The following HIKESHI variants were observed in gnomAD, a reference collection of about 807,000 sequenced individuals.
HIKESHI encodes heat shock protein nuclear import factor hikeshi.
In HIKESHI, 13 loss-of-function variants were observed where a neutral mutation model predicts 25.7. The ratio of observed to expected loss-of-function variants is 0.51; its 90% CI spans 0.33 to 0.80. The LOEUF (loss-of-function observed/expected upper bound fraction) is 0.80. Among genes scored for constraint, HIKESHI ranks in the 30% least tolerant of loss-of-function variants. HIKESHI has a pLI of 0.02. For missense variants in HIKESHI, 174 were observed against 229.5 expected, an observed-to-expected ratio of 0.76 and a Z score of 1.56; for synonymous variants, 76 against 78.7, an observed-to-expected ratio of 0.97 and a Z score of 0.18.
At chr11:86,332,816 C>T (rs980743623) in intron 2 of HIKESHI, among the ~76,000 whole-genome samples, 3 of 152,180 alleles carry the variant, frequency 2.0e-5, no homozygotes, top group African/African-American at 7.2e-5. Flanking sequence ...ATTCTTAGCT[C>T]CCACGTCATA....
At chr11:86,343,934 T>C (rs1947800161) in intron 3 of HIKESHI, 1 of 152,188 alleles carries the variant, frequency 6.6e-6, no homozygotes, top group Admixed American at 6.5e-5. Context: ...TGTGAGTCCA[T>C]TTACTTCTAG....
chr11:86,339,146 C>T (rs1463571537), intron 3 of HIKESHI, among the ~76,000 whole-genome samples: 5 of 152,212 alleles, frequency 3.3e-5, no homozygotes, highest in African/African-American at 7.2e-5. Flanking sequence ...CCTGGGTTCA[C>T]GCCATTCTCC....
intron 2 of HIKESHI, among the ~76,000 whole-genome samples, chr11:86,308,238 A>ACATATAAAAAATATAT (rs1946724731): frequency 7.9e-6 from 1 of 126,496 alleles, no homozygotes; most frequent in African/African-American, 3.1e-5. Flanking sequence ...AATATATATT[A>ACATATAAAAAATATAT]TATATAAAAT....
intron 2 of HIKESHI, among the ~76,000 whole-genome samples, chr11:86,322,567 T>G (rs369868347): frequency 6.6e-6 from 1 of 152,152 alleles, no homozygotes; most frequent in Non-Finnish European, 1.5e-5. Flanking sequence ...AGTGTTTTTG[T>G]TTTTTCCCAT....
intron 2 of HIKESHI, among the ~76,000 whole-genome samples, chr11:86,336,648 T>C (rs1317239100): frequency 6.6e-6 from 1 of 152,230 alleles, no homozygotes; most frequent in East Asian, 1.9e-4. Flanking sequence ...TGTTTTGTTA[T>C]AGCAGCCTGA....
intron 2 of HIKESHI, among the ~76,000 whole-genome samples, chr11:86,329,189 TA>T (rs5793197): frequency 0.48 from 71,259 of 147,224 alleles, 17,131 homozygotes; most frequent in Admixed American, 0.51. Flanking sequence ...CGTGATGAGT[TA>T]AAAAAAAAAA....
chr11:86,332,795 A>G (rs1346382288), intron 2 of HIKESHI, among the ~76,000 whole-genome samples: 1 of 152,236 alleles, frequency 6.6e-6, no homozygotes, highest in Non-Finnish European at 1.5e-5. Flanking sequence ...CCCTTTAAAT[A>G]TTTGAAAACC....
chr11:86,321,936 T>G (rs889671367), intron 2 of HIKESHI, among the ~76,000 whole-genome samples: 1 of 152,206 alleles, frequency 6.6e-6, no homozygotes, highest in Admixed American at 6.6e-5. Flanking sequence ...TGTGGTAGTA[T>G]TCCCTTGTCG....
At chr11:86,341,979 T>C (rs1947743362) in intron 3 of HIKESHI, among the ~76,000 whole-genome samples, 1 of 152,228 alleles carries the variant, frequency 6.6e-6, no homozygotes, top group South Asian at 2.1e-4. Context: ...TAGTGTGCCA[T>C]TGTATAAATG....
intron 3 of HIKESHI, among the ~76,000 whole-genome samples, chr11:86,338,132 T>C (rs1947620313): frequency 6.6e-6 from 1 of 152,204 alleles, no homozygotes; most frequent in Admixed American, 6.6e-5. Context: ...ATTCATTCCA[T>C]TGAACTGAAA....
chr11:86,341,930 AT>A (rs1947742689), intron 3 of HIKESHI, among the ~76,000 whole-genome samples: 1 of 152,222 alleles, frequency 6.6e-6, no homozygotes, highest in South Asian at 2.1e-4. Context: ...AGATTTATCG[AT>A]GTTGATACAT....
At chr11:86,314,369 A>G (rs1379062386) in intron 2 of HIKESHI, among the ~76,000 whole-genome samples, 2 of 152,098 alleles carry the variant, frequency 1.3e-5, no homozygotes. Flanking sequence ...TAATCCTAGC[A>G]TTTTGGGAGG....
At chr11:86,314,904 G>A (rs291197) in intron 2 of HIKESHI, among the ~76,000 whole-genome samples, 93,032 of 152,016 alleles carry the variant, frequency 0.61, 28,674 homozygotes, top group East Asian at 0.79. Flanking sequence ...GAGAAATTGG[G>A]TGTGGAATCT....
Position 86,324,936 on chromosome 11 carries a change from C to T in HIKESHI, c.269-12443C>T, listed in dbSNP as rs543451747. On this transcript the variant is annotated intron_variant, in intron 2 of 4. Transcript: ENST00000278483. ...GCTCACGCCTGTAATTTCAGCACTT[C>T]GGGAGGTTGAGGTGGATGGATCACT... 1.1e-4 allele frequency among the ~76,000 whole-genome samples: 16 copies of T among 152,040 alleles called. No individual in the cohort carries two copies. In the South Asian group the frequency reaches 2.9e-3, roughly 28 times the overall value.
chr11:86,324,979 G>C (rs1947236175), intron 2 of HIKESHI, among the ~76,000 whole-genome samples: 1 of 151,996 alleles, frequency 6.6e-6, no homozygotes, highest in African/African-American at 2.4e-5. Context: ...AGGAGTTCCA[G>C]ACCAACCTGC....
intron 2 of HIKESHI, among the ~76,000 whole-genome samples, chr11:86,317,077 C>T (rs1444187419): frequency 2.0e-5 from 3 of 151,982 alleles, no homozygotes; most frequent in Admixed American, 1.3e-4. Flanking sequence ...CAGGCATGAG[C>T]CACCACGCCC....
At chr11:86,308,955 A>T (rs1184450151) in intron 2 of HIKESHI, among the ~76,000 whole-genome samples, 3 of 152,048 alleles carry the variant, frequency 2.0e-5, no homozygotes, top group African/African-American at 7.2e-5. Flanking sequence ...ATATTTTCTT[A>T]ATCCAGTCTA....
At chr11:86,326,602 AG>A (rs1379653057) in intron 2 of HIKESHI, 3 of 454,670 alleles carry the variant, frequency 6.6e-6, no homozygotes, top group African/African-American at 2.0e-5. Context: ...TGTTCAGAGG[AG>A]ACAGAATAGT....
chr11:86,338,005 C>G (rs1593869514), intron 3 of HIKESHI, among the ~76,000 whole-genome samples: 2 of 152,148 alleles, frequency 1.3e-5, no homozygotes, highest in African/African-American at 4.8e-5. Flanking sequence ...TATCAGTCAC[C>G]TCACACAGTC....
Sources: gnomAD v4.1 joint callset for allele counts (sites outside exome capture counted in the v4.1 genomes callset) on GRCh38, gnomAD v4.1.1 for gene constraint, MANE v1.5 for transcripts, NCBI Gene and HGNC (gene_info 2026-07-23, HGNC 2026-07-21) for gene names.